Variants in NDST3 observed in about 807,000 individuals in gnomAD.
The protein encoded by NDST3 is N-deacetylase and N-sulfotransferase 3, also known as bifunctional heparan sulfate N-deacetylase/N-sulfotransferase 3.
In NDST3, 58 loss-of-function variants were observed where a neutral mutation model predicts 96.1. That is an observed-to-expected ratio of 0.60 (90% confidence interval 0.49 to 0.75). The LOEUF is 0.75. Among genes scored for constraint, NDST3 ranks in the 30% least tolerant of loss-of-function variants. The pLI is 0.00. For synonymous variants in NDST3, 333 were observed against 359.7 expected (o/e 0.93, Z 0.84); for missense variants, 788 against 1,034.2 (o/e 0.76, Z 3.27).
intron 5 of NDST3, among the ~76,000 whole-genome samples, chr4:118,138,869 T>G (rs1313578802): frequency 6.6e-6 from 1 of 152,222 alleles, no homozygotes; most frequent in Non-Finnish European, 1.5e-5. Context: ...AATTAAATCC[T>G]AATTTATTCC....
At chr4:118,100,157 C>T (rs1729647669) in intron 2 of NDST3, among the ~76,000 whole-genome samples, 1 of 152,010 alleles carries the variant, frequency 6.6e-6, no homozygotes, top group African/African-American at 2.4e-5. Flanking sequence ...AGATGGCCCT[C>T]CCCAATGTAG....
chr4:118,177,658 C>T (rs1435371116), intron 6 of NDST3, among the ~76,000 whole-genome samples: 1 of 151,952 alleles, frequency 6.6e-6, no homozygotes, highest in Non-Finnish European at 1.5e-5. Context: ...TTTGACTTAT[C>T]ATTTAAGTCC....
chr4:118,160,685 T>C (rs1735044073), intron 6 of NDST3, among the ~76,000 whole-genome samples: 1 of 152,252 alleles, frequency 6.6e-6, no homozygotes, highest in South Asian at 2.1e-4. Context: ...TTCTGCATTC[T>C]TCACGTAGTT....
At chr4:118,114,157 C>T (rs1481693464) in intron 3 of NDST3, among the ~76,000 whole-genome samples, 1 of 152,082 alleles carries the variant, frequency 6.6e-6, no homozygotes, top group Non-Finnish European at 1.5e-5. Context: ...GCATATGGAA[C>T]ACAAGTGTAC....
chr4:118,173,789 T>C (rs1053162913), intron 6 of NDST3, among the ~76,000 whole-genome samples: 2 of 152,204 alleles, frequency 1.3e-5, no homozygotes, highest in African/African-American at 4.8e-5. Context: ...TGCCACTCTT[T>C]CCTTTAAGGG....
intron 6 of NDST3, among the ~76,000 whole-genome samples, chr4:118,169,380 T>C (rs1014059792): frequency 6.6e-6 from 1 of 152,168 alleles, no homozygotes; most frequent in African/African-American, 2.4e-5. Context: ...CTGGAATTTT[T>C]AAAAATATAC....
At chr4:118,113,510 T>C (rs757038814) in intron 3 of NDST3, among the ~76,000 whole-genome samples, 2 of 152,152 alleles carry the variant, frequency 1.3e-5, no homozygotes, top group Non-Finnish European at 2.9e-5. Flanking sequence ...CCATGAAATC[T>C]CATAGTATGC....
rs1376438809 is a variant in NDST3, at chr4:118,207,386, T to C, written c.1540-17105T>C. On this transcript the variant is annotated intron_variant, in intron 6 of 13. Transcript: ENST00000296499. ...CCTAGTATTGAATAGTATTATGCCA[T>C]GTTATGGCATGAAGCAGATGAGTGT... is the stretch of plus-strand genomic sequence containing the variant. Among the ~76,000 whole-genome samples the C allele has an allele frequency of 2.8e-5, 4 of 144,812 alleles. No individual in the cohort carries two copies. In the East Asian group the frequency reaches 7.8e-4, roughly 28 times the overall value.
At chr4:118,191,062 A>ACT in intron 6 of NDST3, among the ~76,000 whole-genome samples, 1 of 152,202 alleles carries the variant, frequency 6.6e-6, no homozygotes, top group African/African-American at 2.4e-5. Context: ...CCAATTACCT[A>ACT]TTTTGTCACC....
At chr4:118,073,819 A>C (rs955787403) in intron 2 of NDST3, among the ~76,000 whole-genome samples, 1 of 151,750 alleles carries the variant, frequency 6.6e-6, no homozygotes, top group Non-Finnish European at 1.5e-5. Context: ...TTGTTTTTCC[A>C]GTTCATCTAG....
chr4:118,065,963 T>C (rs1406880587), intron 2 of NDST3, among the ~76,000 whole-genome samples: 1 of 146,824 alleles, frequency 6.8e-6, no homozygotes, highest in Non-Finnish European at 1.5e-5. Flanking sequence ...AAGAAAAATA[T>C]TGCGTGTAGA....
At chr4:118,175,502 A>G (rs1185515589) in intron 6 of NDST3, among the ~76,000 whole-genome samples, 1 of 152,108 alleles carries the variant, frequency 6.6e-6, no homozygotes, top group Non-Finnish European at 1.5e-5. Context: ...TGTCTTATCT[A>G]TGTTCTTTTC....
Position 118,053,930 on chromosome 4 carries a change from T to C in NDST3, c.20T>C (p.Leu7Pro). 2 of 1,606,908 alleles carry C rather than the reference T, an allele frequency of 1.2e-6. No homozygotes were observed. The highest frequency in any genetic ancestry group is 1.7e-6 in the Non-Finnish European group (2 of 1,175,690). The change falls in exon 2 of 14, where the codon CTT (leucine) becomes CCT (proline). Residue 7 changes from leucine (L) to proline (P), a missense_variant. Transcript: ENST00000296499. Reference protein sequence around the residue: MSFIMKLHRHFQRTVIL... With the variant: MSFIMKPHRHFQRTVIL... ...TACAACATGAGTTTTATCATGAAGCTTCACAGACACTTTCAAAGAACAGTC... is the reference window on the plus strand; with the variant it reads ...TACAACATGAGTTTTATCATGAAGCCTCACAGACACTTTCAAAGAACAGTC...
chr4:118,158,118 T>C (rs1734836408), intron 6 of NDST3, among the ~76,000 whole-genome samples: 1 of 152,134 alleles, frequency 6.6e-6, no homozygotes, highest in African/African-American at 2.4e-5. Context: ...AGTATTTAAA[T>C]TTGAAATGAG....
At chr4:118,127,907 CT>C (rs1732250963) in intron 4 of NDST3, among the ~76,000 whole-genome samples, 1 of 151,764 alleles carries the variant, frequency 6.6e-6, no homozygotes, top group African/African-American at 2.4e-5. Flanking sequence ...AGATCTTTCA[CT>C]TTTTGGTTAA....
chr4:118,061,676 T>A (rs908668533), intron 2 of NDST3, among the ~76,000 whole-genome samples: 1 of 152,190 alleles, frequency 6.6e-6, no homozygotes. Flanking sequence ...AAGATTTTTT[T>A]CATCTATTTT....
chr4:118,163,607 C>T (rs905500541), intron 6 of NDST3, among the ~76,000 whole-genome samples: 8 of 150,022 alleles, frequency 5.3e-5, no homozygotes, highest in Non-Finnish European at 1.0e-4. Flanking sequence ...GTTGTGGGGT[C>T]GGGGGAGAGG....
intron 3 of NDST3, 146 bp from the exon 4 acceptor site, chr4:118,114,660 C>A: frequency 1.4e-6 from 1 of 726,110 alleles, no homozygotes; most frequent in Non-Finnish European, 2.2e-6. Flanking sequence ...TTCCTTGATA[C>A]ATTTGGGTTT....
At position 118,256,576 on chromosome 4, in the gene NDST3, A is replaced by C. The variant is rs562465118; in HGVS notation, c.*864A>C. 2 of 152,312 alleles carry C rather than the reference A, an allele frequency of 1.3e-5. No individual in the cohort carries two copies. Among genetic ancestry groups the C allele is most frequent in the East Asian group, 3.9e-4 (2 of 5,180 alleles). 9.4% of individuals were successfully genotyped at this position (152,312 alleles called of 1,614,324 possible). ...TATGTCCACTTGCTGTAAGCTGTGA[A>C]TCTATCCCAGTAGTCCTCACTAGTT... On this transcript the variant is annotated 3_prime_UTR_variant, in exon 14 of 14. Transcript: ENST00000296499.
Sources: allele counts gnomAD v4.1 joint callset (sites outside exome capture counted in the v4.1 genomes callset), GRCh38; gene constraint gnomAD v4.1.1; transcripts MANE v1.5; gene names NCBI Gene and HGNC (gene_info 2026-07-23, HGNC 2026-07-21).